The following IGSF9B variants were observed in gnomAD, a reference collection of about 807,000 sequenced individuals.
The protein encoded by IGSF9B is protein turtle homolog B.
Under a neutral mutation model 143.7 loss-of-function variants are expected in IGSF9B, and 48 were observed. The ratio of observed to expected loss-of-function variants is 0.33; its 90% CI spans 0.26 to 0.42. IGSF9B has a LOEUF of 0.42. IGSF9B is among the 20% of genes least tolerant of loss of function. The probability of loss-of-function intolerance (pLI) is 1.00; values close to 1 mark genes in which losing one functional copy is unlikely to be tolerated. For missense variants in IGSF9B, 1,706 were observed against 1,980.0 expected, an observed-to-expected ratio of 0.86 and a Z score of 2.63; for synonymous variants, 903 against 833.1, an observed-to-expected ratio of 1.08 and a Z score of -1.44.
rs1459419981 is a variant in IGSF9B at position 133,920,129 on chromosome 11, G to C, written c.3596C>G (p.Ser1199Cys). ...PSLHQVVLQP[S>C]RLSPLTQSPL... The stretch of plus-strand genomic sequence containing the variant: ...GCTTTGGGTCAGAGGTGAGAGCCGG[G>C]AGGGCTGTAGCACCACTTGATGTAA... The change falls in exon 18 of 20, where the codon TCC (serine) becomes TGC (cysteine). Residue 1199 changes from serine to cysteine, a missense_variant. Coordinates refer to ENST00000533871, the MANE Select transcript of IGSF9B (RefSeq NM_001277285.4). 1 of 1,512,064 alleles carries C rather than the reference G, an allele frequency of 6.6e-7. No individual in the cohort carries two copies. The highest frequency in any genetic ancestry group is 1.3e-5 in the South Asian group (1 of 74,706). 93.7% of individuals were successfully genotyped at this position (1,512,064 alleles called of 1,614,324 possible).
chr11:133,952,315 C>T (rs1489042408), intron 1 of IGSF9B: 2 of 273,478 alleles, frequency 7.3e-6, no homozygotes, highest in Non-Finnish European at 1.5e-5. Flanking sequence ...ACAGCCACAC[C>T]CTCAGGGAGA....
At chr11:133,932,776 C>T (rs1939758908) in intron 7 of IGSF9B, among the ~76,000 whole-genome samples, 1 of 50,508 alleles carries the variant, frequency 2.0e-5, no homozygotes, top group Non-Finnish European at 4.2e-5. Flanking sequence ...CAGACAGACA[C>T]AGGGAAGCCA....
chr11:133,915,895 G>T (rs1376275960), intron 18 of IGSF9B, among the ~76,000 whole-genome samples: 1 of 152,216 alleles, frequency 6.6e-6, no homozygotes, highest in Non-Finnish European at 1.5e-5. Flanking sequence ...ACGGGCCATA[G>T]CAAGGGAAAG....
intron 19 of IGSF9B, among the ~76,000 whole-genome samples, chr11:133,910,536 T>G (rs778319817): frequency 5.3e-5 from 8 of 152,124 alleles, no homozygotes; most frequent in Non-Finnish European, 1.0e-4. Flanking sequence ...TGGGTACCAG[T>G]GCTAGTGATT....
rs1591703898 is a variant in IGSF9B, at chr11:133,902,057, A to G, written c.*7012T>C. 6.8e-6 allele frequency among the ~76,000 whole-genome samples: 1 copy of G among 147,590 alleles called. No individual in the cohort carries two copies. The highest frequency in any genetic ancestry group is 1.5e-5 in the Non-Finnish European group (1 of 66,796). ...CACACCACACCCACACACAATACAC[A>G]CATACCACACACAATAACACACCAC... On this transcript the variant is annotated 3_prime_UTR_variant, in exon 20 of 20. Transcript: ENST00000533871.
rs1027064907 is a variant in IGSF9B at position 133,956,578 on chromosome 11, G to A, written c.64+113C>T. On this transcript the variant is annotated intron_variant, in intron 1 of 19. Coordinates refer to ENST00000533871, the MANE Select transcript of IGSF9B (RefSeq NM_001277285.4). ...GCCCAAGCCTCACCCGCGGGAAGGC[G>A]CGCCGGGGAGCTGGGGAACCGGGGG... 3.3e-4 allele frequency: 221 copies of A among 678,510 alleles called. 2 individuals are homozygous for A. In the East Asian group the frequency reaches 7.7e-3, roughly 24 times the overall value. 42.0% of individuals were successfully genotyped at this position (678,510 alleles called of 1,614,324 possible). A position where few individuals can be genotyped will look rare whatever the true frequency, so the allele number is the denominator to read the frequency against.
chr11:133,942,148 T>C (rs1400996843), intron 3 of IGSF9B, among the ~76,000 whole-genome samples: 1 of 152,206 alleles, frequency 6.6e-6, no homozygotes, highest in Non-Finnish European at 1.5e-5. Flanking sequence ...CATCTGACTT[T>C]GTTTTTTTTC....
In IGSF9B at chr11:133,931,695, C is replaced by G; in HGVS notation, c.1211G>C (p.Gly404Ala). The G allele has an allele frequency of 6.2e-7, 1 of 1,612,152 alleles. No homozygotes were observed. Among genetic ancestry groups the G allele is most frequent in the South Asian group, 1.1e-5 (1 of 90,950 alleles). ...CGCAGGGGCAGACTGGCCCATGGTC[C>G]CCAGAGTGTTGTAAGGCACACAGGT... ...TYTCVPYNTL[G>A]TMGQSAPARL... Residue 404 changes from glycine (G) to alanine (A), a missense_variant, in exon 9 of 20, where the codon GGG becomes GCG. Physicochemically the swap from Gly to Ala is moderately conservative, Grantham distance 60. This residue lies in a region of IGSF9B where 238 missense variants were observed against 452.6 expected (regional missense o/e 0.53). Transcript: ENST00000533871. The surrounding 1 kb of genome is among the most constrained non-coding windows in gnomAD (Gnocchi z 7.7).
chr11:133,920,392 G>T lies in IGSF9B; in HGVS notation c.3333C>A (p.Gly1111=), dbSNP rs1417242704. The part of the protein sequence containing the change: ...KGWAGKSPGR[G]PVPAPPAAKW... Reference sequence around the variant, plus strand: ...TGGCGGCGGGGGGCGCTGGGACAGGGCCCCTGCCGGGCGACTTGCCTGCCC... The same window carrying T: ...TGGCGGCGGGGGGCGCTGGGACAGGTCCCCTGCCGGGCGACTTGCCTGCCC... The change falls in exon 18 of 20, where the codon GGC becomes GGA. Residue 1111 remains glycine (G), a synonymous_variant. Transcript: ENST00000533871. 6.3e-7 allele frequency: 1 copy of T among 1,599,066 alleles called. No individual in the cohort carries two copies.
At chr11:133,937,984 GAAGGACACGCCATC>G in intron 3 of IGSF9B, 23 bp from the exon 4 acceptor site, 1 of 1,611,520 alleles carries the variant, frequency 6.2e-7, no homozygotes, top group Non-Finnish European at 8.5e-7. Context: ...CCACAAAGAT[GAAGGACACGCCATC>G]AGCCACATCG....
intron 1 of IGSF9B, among the ~76,000 whole-genome samples, chr11:133,951,074 C>T (rs760917838): frequency 2.8e-4 from 43 of 152,220 alleles, no homozygotes; most frequent in Admixed American, 5.9e-4. Flanking sequence ...TCCAGGAAGC[C>T]GGCAGACCCG....
intron 1 of IGSF9B, among the ~76,000 whole-genome samples, chr11:133,947,822 ATC>A (rs1206869043): frequency 2.5e-4 from 35 of 142,292 alleles, no homozygotes; most frequent in Non-Finnish European, 4.7e-4. Flanking sequence ...CCTTCTCTGG[ATC>A]TCTGTTTGTC....
Position 133,897,393 on chromosome 11 carries a change from C to G in IGSF9B, c.*11676G>C, listed in dbSNP as rs1939038010. The G allele has an allele frequency of 6.6e-6, 1 of 152,290 alleles. No individual in the cohort carries two copies. The highest frequency in any genetic ancestry group is 1.5e-5 in the Non-Finnish European group (1 of 68,106). 9.4% of individuals were successfully genotyped at this position (152,290 alleles called of 1,614,324 possible). A position where few individuals can be genotyped will look rare whatever the true frequency, so the allele number is the denominator to read the frequency against. The stretch of plus-strand genomic sequence containing the variant: ...ACGCACACACACGCACAGGTATGCA[C>G]ACATATATATGCAGGTGCGCGCACA... On this transcript the variant is annotated 3_prime_UTR_variant, in exon 20 of 20. Coordinates refer to ENST00000533871, the MANE Select transcript of IGSF9B (RefSeq NM_001277285.4).
intron 5 of IGSF9B, 68 bp from the exon 6 acceptor site, chr11:133,936,262 G>A: frequency 6.7e-7 from 1 of 1,482,858 alleles, no homozygotes; most frequent in Non-Finnish European, 9.2e-7. Flanking sequence ...AGGCCTCCTG[G>A]GAGCCCTCAG....
In IGSF9B at chr11:133,901,667, G is replaced by A. The variant is rs1206574136; in HGVS notation, c.*7402C>T. ...CTCCATAAAAAATACATTAAAGATG[G>A]TGCATTACTAATTTGACCCTCCTAC... is the stretch of plus-strand genomic sequence containing the variant. On this transcript the variant is annotated 3_prime_UTR_variant, in exon 20 of 20. Coordinates refer to ENST00000533871, the MANE Select transcript of IGSF9B (RefSeq NM_001277285.4). The A allele has an allele frequency of 6.6e-6, 1 of 152,104 alleles. No individual in the cohort carries two copies. The highest frequency in any genetic ancestry group is 2.4e-5 in the African/African-American group (1 of 41,370). 9.4% of individuals were successfully genotyped at this position (152,104 alleles called of 1,614,324 possible).
chr11:133,949,932 T>C (rs115700815), intron 1 of IGSF9B, among the ~76,000 whole-genome samples: 2,724 of 152,250 alleles, frequency 0.018, 54 homozygotes, highest in Middle Eastern at 0.054. Context: ...GCCCAGAACC[T>C]AGTAAATCTG....
chr11:133,902,431 ACCACACACACCAC>A lies in IGSF9B; in HGVS notation c.*6625_*6637del, dbSNP rs1450999844. Among the ~76,000 whole-genome samples the A allele has an allele frequency of 4.4e-5, 3 of 68,708 alleles. No homozygotes were observed. Among genetic ancestry groups the A allele is most frequent in the Non-Finnish European group, 7.9e-5 (2 of 25,354 alleles). 45.1% of individuals were successfully genotyped at this position (68,708 alleles called of 152,430 possible). ...ATACCACACACAATACACACACCAC[ACCACACACACCAC>A]CCAGACACACCACACACAGATACAC... On this transcript the variant is annotated 3_prime_UTR_variant, in exon 20 of 20. Transcript: ENST00000533871.
At chr11:133,947,168 G>A (rs535745246) in intron 1 of IGSF9B, among the ~76,000 whole-genome samples, 9 of 152,284 alleles carry the variant, frequency 5.9e-5, no homozygotes, top group African/African-American at 2.2e-4. Flanking sequence ...CCACAAGCTA[G>A]AGGACGCCGC....
chr11:133,918,513 G>T (rs1057140281), intron 18 of IGSF9B, among the ~76,000 whole-genome samples: 1 of 152,232 alleles, frequency 6.6e-6, no homozygotes, highest in Admixed American at 6.5e-5. Context: ...GGGCGGCCGC[G>T]GCACCTCCGC....
Sources: gnomAD v4.1 joint callset for allele counts (sites outside exome capture counted in the v4.1 genomes callset) on GRCh38, gnomAD v4.1.1 for gene constraint, gnomAD v4.1.1 regional missense constraint, Gnocchi (gnomAD v3.1) non-coding constraint, MANE v1.5 for transcripts, NCBI Gene and HGNC (gene_info 2026-07-23, HGNC 2026-07-21) for gene names.